Variants in SEZ6L observed in about 807,000 individuals in gnomAD.
The protein encoded by SEZ6L is seizure 6-like protein.
SEZ6L carries 37 observed loss-of-function variants against 106.2 expected under a neutral mutation model. The ratio of observed to expected loss-of-function variants is 0.35; its 90% CI spans 0.27 to 0.46. The LOEUF (loss-of-function observed/expected upper bound fraction) is 0.46, where lower values mean the gene tolerates loss of function less well. Ranked by LOEUF, SEZ6L falls within the 20% of genes least tolerant of loss-of-function variation. The pLI, the probability that SEZ6L is intolerant of heterozygous loss-of-function variation, is 1.00. For missense variants in SEZ6L, 1,172 were observed against 1,332.8 expected (o/e 0.88, Z 1.88); for synonymous variants, 541 against 570.4 (o/e 0.95, Z 0.73).
At chr22:26,180,404 T>C (rs1257829061) in intron 1 of SEZ6L, among the ~76,000 whole-genome samples, 3 of 152,172 alleles carry the variant, frequency 2.0e-5, no homozygotes, top group African/African-American at 7.2e-5. Context: ...ATTTTCGGGG[T>C]TAGGAGTTGA....
chr22:26,262,304 T>C (rs1334215990), intron 1 of SEZ6L, among the ~76,000 whole-genome samples: 2 of 139,276 alleles, frequency 1.4e-5, no homozygotes, highest in Non-Finnish European at 3.2e-5. Flanking sequence ...AAGAAATACA[T>C]GGCCCTTCTT....
chr22:26,320,067 AAAATTATCAGGTAAAGTATT>A (rs2145941752), intron 9 of SEZ6L, among the ~76,000 whole-genome samples: 1 of 152,318 alleles, frequency 6.6e-6, no homozygotes, highest in East Asian at 1.9e-4. Flanking sequence ...CATTTGGCTA[AAAATTATCAGGTAAAGTATT>A]AAATAATAGA....
In SEZ6L at chr22:26,265,192, A is replaced by T. The variant is rs1237409386; in HGVS notation, c.95-27214A>T. Among the ~76,000 whole-genome samples the T allele has an allele frequency of 3.1e-4, 47 of 152,112 alleles. 2 individuals are homozygous for T. Among genetic ancestry groups the T allele is most frequent in the Non-Finnish European group, 2.9e-5 (2 of 68,010 alleles). On this transcript the variant is annotated intron_variant, in intron 1 of 16. Coordinates refer to ENST00000248933, the MANE Select transcript of SEZ6L (RefSeq NM_021115.5). ...TATCCTGGGAGGAGGTAGGGATGGCATAGCTGGGGCAAGTTTCCTTACACC... is the reference window on the plus strand; with the variant it reads ...TATCCTGGGAGGAGGTAGGGATGGCTTAGCTGGGGCAAGTTTCCTTACACC...
At chr22:26,328,450 C>G (rs1050414505) in intron 9 of SEZ6L, among the ~76,000 whole-genome samples, 2 of 152,202 alleles carry the variant, frequency 1.3e-5, no homozygotes, top group Non-Finnish European at 2.9e-5. Context: ...GGTCCTGCAG[C>G]TAGAATTTGA....
rs539919264 is a variant in SEZ6L at position 26,299,538 on chromosome 22, G to T, written c.1348+369G>T. The stretch of plus-strand genomic sequence containing the variant: ...TTCTGTCTCTGTGGATTTATCTATT[G>T]TGGATATTTTATGTAAATGGAATCA... On this transcript the variant is annotated intron_variant, in intron 5 of 16. Transcript: ENST00000248933. 3.3e-5 allele frequency among the ~76,000 whole-genome samples: 5 copies of T among 152,258 alleles called. No individual in the cohort carries two copies. In the South Asian group the frequency reaches 8.3e-4, roughly 25 times the overall value.
intron 1 of SEZ6L, among the ~76,000 whole-genome samples, chr22:26,195,015 G>T (rs916294478): frequency 6.6e-6 from 1 of 152,172 alleles, no homozygotes; most frequent in African/African-American, 2.4e-5. Context: ...AGGACATAAA[G>T]AAATAGAAAG....
chr22:26,181,461 G>A (rs1485570434), intron 1 of SEZ6L, among the ~76,000 whole-genome samples: 1 of 152,136 alleles, frequency 6.6e-6, no homozygotes, highest in Non-Finnish European at 1.5e-5. Flanking sequence ...AAGGAAATTT[G>A]CATAATTTAT....
At position 26,293,005 on chromosome 22, in the gene SEZ6L, G is replaced by T. The variant is rs992371326; in HGVS notation, c.694G>T (p.Ala232Ser). 34 of 1,614,030 alleles carry T rather than the reference G, an allele frequency of 2.1e-5. No homozygotes were observed. The highest frequency in any genetic ancestry group is 2.8e-5 in the Non-Finnish European group (33 of 1,180,022). The change falls in exon 2 of 17, where the codon GCC (alanine) becomes TCC (serine). Residue 232 changes from alanine to serine, a missense_variant. Physicochemically the swap from Ala to Ser is moderately conservative, Grantham distance 99. Transcript: ENST00000248933. ...GEPGPDMAQE[A>S]PQEDTSPMAL... ...GCCTGGGCCTGACATGGCCCAGGAGGCCCCCCAGGAGGACACCAGCCCCAT... is the reference window on the plus strand; with the variant it reads ...GCCTGGGCCTGACATGGCCCAGGAGTCCCCCCAGGAGGACACCAGCCCCAT...
At chr22:26,281,216 G>A (rs1382818549) in intron 1 of SEZ6L, among the ~76,000 whole-genome samples, 1 of 152,164 alleles carries the variant, frequency 6.6e-6, no homozygotes, top group Non-Finnish European at 1.5e-5. Context: ...TAAGAAGCAG[G>A]AGAGAGATAT....
At chr22:26,366,194 C>T (rs908207772) in intron 13 of SEZ6L, among the ~76,000 whole-genome samples, 25 of 151,882 alleles carry the variant, frequency 1.6e-4, no homozygotes, top group African/African-American at 5.8e-4. Context: ...ATTAGCTGGG[C>T]GTAGCGGTGC....
intron 1 of SEZ6L, among the ~76,000 whole-genome samples, chr22:26,266,570 C>T (rs565368378): frequency 7.5e-6 from 1 of 133,368 alleles, no homozygotes; most frequent in Admixed American, 7.8e-5. Context: ...GAGACTCCGT[C>T]TCAAAAATAA....
At chr22:26,298,865 TG>T in intron 4 of SEZ6L, 118 bp from the exon 5 acceptor site, 1 of 841,360 alleles carries the variant, frequency 1.2e-6, no homozygotes, top group Non-Finnish European at 1.7e-6. Context: ...TCCAGAGCTC[TG>T]GAGTCCCCAG....
rs535888645 is a variant in SEZ6L at position 26,303,545 on chromosome 22, G to A, written c.1349-2434G>A. On this transcript the variant is annotated intron_variant, in intron 5 of 16. Coordinates refer to ENST00000248933, the MANE Select transcript of SEZ6L (RefSeq NM_021115.5). ...CTTCGATAAGAGATACTGGAGTGAG[G>A]CAGCCTGAGCTTGAGTCTCAACTGC... 9.1e-4 allele frequency among the ~76,000 whole-genome samples: 138 copies of A among 152,320 alleles called. 1 individual carries two copies. The South Asian group carries it at 0.028, about 30-fold the overall frequency.
intron 1 of SEZ6L, among the ~76,000 whole-genome samples, chr22:26,264,207 A>C (rs978257667): frequency 1.3e-5 from 2 of 152,248 alleles, no homozygotes; most frequent in Non-Finnish European, 2.9e-5. Flanking sequence ...TGCTAGGGCA[A>C]GCACTGCCTG....
intron 1 of SEZ6L, among the ~76,000 whole-genome samples, chr22:26,212,005 C>T (rs561514330): frequency 1.3e-5 from 2 of 152,006 alleles, no homozygotes; most frequent in South Asian, 4.2e-4. Flanking sequence ...GACCTGATGG[C>T]TGGGAAAGAT....
chr22:26,340,107 G>A (rs113402025), intron 9 of SEZ6L, among the ~76,000 whole-genome samples: 7,065 of 152,124 alleles, frequency 0.046, 526 homozygotes, highest in African/African-American at 0.16. Context: ...ATAGCAGCAT[G>A]CACCTGTAGT....
At chr22:26,380,141 TG>T in intron 16 of SEZ6L, 124 bp from the exon 17 acceptor site, 2 of 784,024 alleles carry the variant, frequency 2.6e-6, no homozygotes, top group Non-Finnish European at 4.3e-6. Context: ...AGGGTCAGAG[TG>T]GGAGGGCACT....
rs749874015 is a variant in SEZ6L at position 26,380,246 on chromosome 22, C to T, written c.3046-20C>T. ...CTACCACACAAGCGTTTGACAAATC[C>T]GTGCTTCTCTCTCTTGCAGGAAACC... On this transcript the variant is annotated intron_variant, in intron 16 of 16. Coordinates refer to ENST00000248933, the MANE Select transcript of SEZ6L (RefSeq NM_021115.5). 37 of 1,612,658 alleles carry T rather than the reference C, an allele frequency of 2.3e-5. No homozygotes were observed. The Admixed American group carries it at 3.5e-4, about 15-fold the overall frequency.
At chr22:26,193,683 T>C (rs1940394173) in intron 1 of SEZ6L, among the ~76,000 whole-genome samples, 1 of 152,154 alleles carries the variant, frequency 6.6e-6, no homozygotes, top group African/African-American at 2.4e-5. Flanking sequence ...GAAAAGCAAT[T>C]TTCTCTTTAT....
Sources: gnomAD v4.1 joint callset for allele counts (sites outside exome capture counted in the v4.1 genomes callset) on GRCh38, gnomAD v4.1.1 for gene constraint, MANE v1.5 for transcripts, NCBI Gene and HGNC (gene_info 2026-07-23, HGNC 2026-07-21) for gene names.